The following CORIN variants were observed in gnomAD, a reference collection of about 807,000 sequenced individuals.
The protein encoded by CORIN is atrial natriuretic peptide-converting enzyme.
A neutral mutation model predicts 125.3 loss-of-function variants in CORIN; 117 were observed. That is an observed-to-expected ratio of 0.93 (90% CI 0.80 to 1.09). CORIN has a LOEUF of 1.09. Among genes scored for constraint, CORIN ranks in the 50% least tolerant of loss-of-function variants. CORIN has a pLI of 0.00. For synonymous variants in CORIN, 450 were observed against 466.4 expected, an observed-to-expected ratio of 0.96 and a Z score of 0.45; for missense variants, 1,253 against 1,306.7, an observed-to-expected ratio of 0.96 and a Z score of 0.63.
intron 10 of CORIN, among the ~76,000 whole-genome samples, chr4:47,666,177 A>G (rs1445951117): frequency 6.6e-6 from 1 of 152,136 alleles, no homozygotes; most frequent in East Asian, 1.9e-4. Flanking sequence ...CACTCTTCCC[A>G]TTACTACTTC....
intron 13 of CORIN, 131 bp downstream of exon 13, chr4:47,653,422 T>C (rs547444924): frequency 1.4e-6 from 1 of 722,214 alleles, no homozygotes; most frequent in Non-Finnish European, 2.3e-6. Context: ...GTTCAATAAT[T>C]TAAGAAGTAA....
chr4:47,682,823 A>G (rs184748997), intron 7 of CORIN: 101 of 152,350 alleles, frequency 6.6e-4, no homozygotes, highest in African/African-American at 2.2e-3. Context: ...AATGGTTTGT[A>G]CACATACATT....
chr4:47,759,432 G>A (rs9291315), intron 4 of CORIN, among the ~76,000 whole-genome samples: 8,199 of 152,128 alleles, frequency 0.054, 692 homozygotes, highest in African/African-American at 0.18. Context: ...ACAACCTATG[G>A]AATGGGAGAA....
intron 1 of CORIN, among the ~76,000 whole-genome samples, chr4:47,824,106 A>G (rs1377929009): frequency 1.3e-5 from 2 of 151,024 alleles, no homozygotes; most frequent in Admixed American, 6.6e-5. Context: ...GAAAGCAATC[A>G]ATGCTATTCC....
intron 1 of CORIN, among the ~76,000 whole-genome samples, chr4:47,820,391 A>G (rs1051253774): frequency 6.6e-6 from 1 of 152,182 alleles, no homozygotes; most frequent in Non-Finnish European, 1.5e-5. Flanking sequence ...GAGAACCTCA[A>G]ATAAATCCAG....
intron 3 of CORIN, among the ~76,000 whole-genome samples, chr4:47,772,247 T>C (rs1415978844): frequency 6.6e-6 from 1 of 152,194 alleles, no homozygotes; most frequent in East Asian, 1.9e-4. Context: ...ACTGTGACAA[T>C]GCTTTAACAC....
intron 1 of CORIN, among the ~76,000 whole-genome samples, chr4:47,828,226 A>G (rs539057383): frequency 1.3e-5 from 2 of 152,138 alleles, no homozygotes; most frequent in Non-Finnish European, 2.9e-5. Context: ...GAGTGATAAG[A>G]GTGATAAGAG....
Position 47,623,613 on chromosome 4 carries a change from A to G in CORIN, c.2498T>C (p.Ile833Thr), listed in dbSNP as rs1401261638. The change falls in exon 19 of 22, where the codon ATT becomes ACT. Residue 833 changes from isoleucine (I) to threonine (T), a missense_variant. Ile to Thr is a moderately conservative substitution (Grantham distance 89). Transcript: ENST00000273857. Reference protein sequence around the residue: ...PSGHICGCVLIAKKWVLTVAH... With the variant: ...PSGHICGCVLTAKKWVLTVAH... ...AACTGTCAGAACCCACTTCTTGGCA[A>G]TGAGGACACAGCCACAGATATGTCC... is the stretch of plus-strand genomic sequence containing the variant. 2 of 1,614,212 alleles carry G rather than the reference A, an allele frequency of 1.2e-6. No homozygotes were observed. Among genetic ancestry groups the G allele is most frequent in the East Asian group, 4.5e-5 (2 of 44,882 alleles).
At chr4:47,633,969 A>T (rs993679673) in intron 16 of CORIN, among the ~76,000 whole-genome samples, 1 of 152,246 alleles carries the variant, frequency 6.6e-6, no homozygotes, top group Middle Eastern at 3.2e-3. Flanking sequence ...ATATGGATCC[A>T]TTACAAGATA....
At chr4:47,607,532 T>C (rs1721700780) in intron 19 of CORIN, among the ~76,000 whole-genome samples, 1 of 152,152 alleles carries the variant, frequency 6.6e-6, no homozygotes, top group Non-Finnish European at 1.5e-5. Flanking sequence ...AAATAATGTC[T>C]CTTTTGATGT....
chr4:47,791,749 T>C (rs1270205637), intron 2 of CORIN, among the ~76,000 whole-genome samples: 1 of 152,190 alleles, frequency 6.6e-6, no homozygotes, highest in Non-Finnish European at 1.5e-5. Context: ...TTTATCTTCC[T>C]ATAATGTGAT....
chr4:47,753,874 G>A (rs1219124565), intron 4 of CORIN, among the ~76,000 whole-genome samples: 4 of 152,140 alleles, frequency 2.6e-5, no homozygotes, highest in Non-Finnish European at 5.9e-5. Flanking sequence ...AGAGATTAAA[G>A]TAAAAACAGG....
intron 2 of CORIN, among the ~76,000 whole-genome samples, chr4:47,802,138 T>G (rs916899580): frequency 6.6e-6 from 1 of 152,238 alleles, no homozygotes; most frequent in Non-Finnish European, 1.5e-5. Context: ...ACCCAGAGCC[T>G]TGGGCTCTGA....
In CORIN at chr4:47,763,429, C is replaced by T; in HGVS notation, c.567G>A (p.Leu189=). 1 of 1,614,096 alleles carries T rather than the reference C, an allele frequency of 6.2e-7. No homozygotes were observed. The highest frequency in any genetic ancestry group is 8.5e-7 in the Non-Finnish European group (1 of 1,180,014). The change falls in exon 4 of 22, where the codon CTG becomes CTA. Residue 189 remains leucine (L), a synonymous_variant. Coordinates refer to ENST00000273857, the MANE Select transcript of CORIN (RefSeq NM_006587.4). ...CAGGGAAGGCGAGGGTACAGCCAAA[C>T]AGCATGATATGTTGATAGCAACTGA... ...HRLSCYQHIM[L]FGCTLAFPEC... is the part of the protein sequence containing the mutation.
At chr4:47,666,051 C>T (rs531911370) in intron 10 of CORIN, among the ~76,000 whole-genome samples, 1 of 152,276 alleles carries the variant, frequency 6.6e-6, no homozygotes, top group African/African-American at 2.4e-5. Context: ...GCTGCCAGGG[C>T]CATACGGCAC....
intron 16 of CORIN, among the ~76,000 whole-genome samples, chr4:47,639,979 C>T (rs1723174500): frequency 6.8e-6 from 1 of 146,332 alleles, no homozygotes; most frequent in East Asian, 1.9e-4. Context: ...CTTTGGAGGA[C>T]TTATCACCAC....
At chr4:47,688,852 T>C (rs1314531453) in intron 6 of CORIN, among the ~76,000 whole-genome samples, 1 of 152,212 alleles carries the variant, frequency 6.6e-6, no homozygotes, top group African/African-American at 2.4e-5. Context: ...TCCATAAGCA[T>C]AGAGTTTTTT....
At chr4:47,817,914 A>C (rs1732345782) in intron 1 of CORIN, among the ~76,000 whole-genome samples, 1 of 152,150 alleles carries the variant, frequency 6.6e-6, no homozygotes, top group Non-Finnish European at 1.5e-5. Context: ...TCAGCTGTAG[A>C]TTTACCCTTC....
chr4:47,721,860 C>T (rs1328563589), intron 5 of CORIN, among the ~76,000 whole-genome samples: 1 of 152,178 alleles, frequency 6.6e-6, no homozygotes, highest in East Asian at 1.9e-4. Context: ...ATTTGAATTG[C>T]AAAGTCTGGC....
Sources: allele counts gnomAD v4.1 joint callset (sites outside exome capture counted in the v4.1 genomes callset), GRCh38; gene constraint gnomAD v4.1.1; transcripts MANE v1.5; gene names NCBI Gene and HGNC (gene_info 2026-07-23, HGNC 2026-07-21).